NRXN3: variants seen among roughly 807,000 people sequenced by gnomAD.
NRXN3 encodes neurexin 3.
A neutral mutation model predicts 137.6 loss-of-function variants in NRXN3; 32 were observed. That is an observed-to-expected ratio of 0.23 (90% confidence interval 0.18 to 0.31). The LOEUF (loss-of-function observed/expected upper bound fraction) is 0.31, where lower values mean the gene tolerates loss of function less well. Among genes scored for constraint, NRXN3 ranks in the 10% least tolerant of loss-of-function variants. The pLI is 1.00. For synonymous variants in NRXN3, 798 were observed against 784.5 expected, an observed-to-expected ratio of 1.02 and a Z score of -0.29; for missense variants, 1,574 against 2,062.5, an observed-to-expected ratio of 0.76 and a Z score of 4.59.
At chr14:79,146,910 C>A (rs1371127683) in intron 15 of NRXN3, among the ~76,000 whole-genome samples, 1 of 152,114 alleles carries the variant, frequency 6.6e-6, no homozygotes, top group African/African-American at 2.4e-5. Context: ...CCAGTGAACA[C>A]CAGCAACTGC....
chr14:78,456,244 A>G (rs1326029470), intron 4 of NRXN3, among the ~76,000 whole-genome samples: 1 of 152,196 alleles, frequency 6.6e-6, no homozygotes, highest in Non-Finnish European at 1.5e-5. Flanking sequence ...CAGCATCTCT[A>G]AAGAACTGAA....
chr14:78,791,756 G>A (rs2098805685), intron 8 of NRXN3, among the ~76,000 whole-genome samples: 1 of 152,116 alleles, frequency 6.6e-6, no homozygotes, highest in African/African-American at 2.4e-5. Flanking sequence ...ACTTAACAAA[G>A]CTTCAGGAAT....
intron 6 of NRXN3, among the ~76,000 whole-genome samples, chr14:78,696,472 G>A (rs1049994277): frequency 6.6e-6 from 1 of 151,992 alleles, no homozygotes; most frequent in African/African-American, 2.4e-5. Context: ...CTTCAAAGAT[G>A]GGAAAACTGA....
At chr14:78,436,778 G>A (rs2094082065) in intron 4 of NRXN3, among the ~76,000 whole-genome samples, 1 of 152,224 alleles carries the variant, frequency 6.6e-6, no homozygotes. Context: ...AAATTGGGGA[G>A]TGTCAAGTTG....
chr14:78,268,222 A>G (rs912756328), intron 2 of NRXN3, among the ~76,000 whole-genome samples: 2 of 152,168 alleles, frequency 1.3e-5, no homozygotes, highest in Non-Finnish European at 2.9e-5. Context: ...GACTTGGGAT[A>G]TTAAAAAACA....
intron 8 of NRXN3, among the ~76,000 whole-genome samples, chr14:78,790,658 A>T (rs2098802551): frequency 6.6e-6 from 1 of 152,190 alleles, no homozygotes; most frequent in African/African-American, 2.4e-5. Flanking sequence ...GTGTGATGCC[A>T]GTTGCTGCAT....
chr14:79,637,914 G>A (rs888485223), intron 16 of NRXN3, among the ~76,000 whole-genome samples: 1 of 97,514 alleles, frequency 1.0e-5, no homozygotes, highest in Non-Finnish European at 1.9e-5. Flanking sequence ...ATTTTTAGTA[G>A]AGATGGGTTT....
At chr14:79,319,104 A>G (rs1469606317) in intron 15 of NRXN3, among the ~76,000 whole-genome samples, 2 of 152,174 alleles carry the variant, frequency 1.3e-5, no homozygotes, top group Non-Finnish European at 2.9e-5. Flanking sequence ...TTTTCCATCT[A>G]TGTTACAGTC....
chr14:79,498,464 A>G (rs2096788627), intron 16 of NRXN3, among the ~76,000 whole-genome samples: 1 of 152,198 alleles, frequency 6.6e-6, no homozygotes, highest in Admixed American at 6.5e-5. Context: ...TAGGCATCTG[A>G]AAAGCATCAG....
intron 4 of NRXN3, among the ~76,000 whole-genome samples, chr14:78,390,386 T>C (rs1244400036): frequency 2.0e-5 from 3 of 152,212 alleles, no homozygotes; most frequent in African/African-American, 7.2e-5. Flanking sequence ...CCTAATCTGC[T>C]TTGCTGCCTC....
At chr14:78,927,169 T>C (rs1323195646) in intron 10 of NRXN3, among the ~76,000 whole-genome samples, 4 of 143,152 alleles carry the variant, frequency 2.8e-5, no homozygotes, top group Admixed American at 1.5e-4. Context: ...AAAAAAAGTT[T>C]TTTTCAGAAT....
At chr14:79,184,236 A>G (rs538206758) in intron 15 of NRXN3, among the ~76,000 whole-genome samples, 3 of 152,370 alleles carry the variant, frequency 2.0e-5, no homozygotes, top group East Asian at 3.9e-4. Context: ...TATGAAATCT[A>G]CAGTGTTTTG....
intron 16 of NRXN3, among the ~76,000 whole-genome samples, chr14:79,601,562 G>GC (rs1475712091): frequency 6.6e-6 from 1 of 152,026 alleles, no homozygotes; most frequent in African/African-American, 2.4e-5. Context: ...GCCTGAACAA[G>GC]CCCCCCTTGC....
chr14:79,654,791 A>G (rs913273015), intron 16 of NRXN3, among the ~76,000 whole-genome samples: 3 of 152,196 alleles, frequency 2.0e-5, no homozygotes, highest in African/African-American at 7.2e-5. Flanking sequence ...TGAGGGATTG[A>G]CTGAAAATGC....
intron 15 of NRXN3, among the ~76,000 whole-genome samples, chr14:79,449,862 G>A (rs1600476622): frequency 6.6e-6 from 1 of 151,796 alleles, no homozygotes; most frequent in Non-Finnish European, 1.5e-5. Flanking sequence ...GTGGTGGCAG[G>A]TGCCTGTAAT....
chr14:78,988,152 C>T lies in NRXN3; in HGVS notation c.3262+11C>T. 6.2e-7 allele frequency: 1 copy of T among 1,613,670 alleles called. No individual in the cohort carries two copies. The highest frequency in any genetic ancestry group is 8.5e-7 in the Non-Finnish European group (1 of 1,179,692). ...ACCAGTGCAATGATCGTAAGTACAA[C>T]AACCTTTCATACTGGAACTTTGTGA... On this transcript the variant is annotated intron_variant, in intron 15 of 20. Transcript: ENST00000335750.
intron 20 of NRXN3, among the ~76,000 whole-genome samples, chr14:79,834,334 C>A (rs2293829): frequency 0.23 from 34,460 of 152,018 alleles, 4,362 homozygotes; most frequent in East Asian, 0.54. Flanking sequence ...TTCCCTTCTT[C>A]CGATAACAGA....
chr14:78,527,831 T>C (rs777992411), intron 4 of NRXN3, among the ~76,000 whole-genome samples: 44 of 152,212 alleles, frequency 2.9e-4, no homozygotes, highest in Non-Finnish European at 5.7e-4. Context: ...ATCTCTCTTA[T>C]TGAGAAGAAA....
In NRXN3 at chr14:79,401,607, C is replaced by G. The variant is rs765261681; in HGVS notation, c.3263-65614C>G. ...GAACTTTTCTGTAATGCCTCAAGAT[C>G]TACAAAGATGTCTTATTTTGCTTCC... On this transcript the variant is annotated intron_variant, in intron 15 of 20. Transcript: ENST00000335750. 7.9e-5 allele frequency among the ~76,000 whole-genome samples: 12 copies of G among 152,254 alleles called. 1 individual carries two copies. The South Asian group carries it at 2.1e-3, about 26-fold the overall frequency.
Sources: allele counts gnomAD v4.1 joint callset (sites outside exome capture counted in the v4.1 genomes callset), GRCh38; gene constraint gnomAD v4.1.1; transcripts MANE v1.5; gene names NCBI Gene and HGNC (gene_info 2026-07-23, HGNC 2026-07-21).